SCYL2: variants seen among roughly 807,000 people sequenced by gnomAD.
The protein encoded by SCYL2 is SCY1 like pseudokinase 2.
SCYL2 carries 36 observed loss-of-function variants against 100.4 expected under a neutral mutation model. That is an observed-to-expected ratio of 0.36 (90% CI 0.27 to 0.47). SCYL2 has a LOEUF of 0.47. Among genes scored for constraint, SCYL2 ranks in the 20% least tolerant of loss-of-function variants. The pLI, the probability that SCYL2 is intolerant of heterozygous loss-of-function variation, is 1.00. For synonymous variants in SCYL2, 330 were observed against 359.2 expected (o/e 0.92, Z 0.92); for missense variants, 902 against 1,083.9 (o/e 0.83, Z 2.36).
At chr12:100,308,202 A>G (rs1454543252) in intron 4 of SCYL2, among the ~76,000 whole-genome samples, 1 of 152,198 alleles carries the variant, frequency 6.6e-6, no homozygotes, top group Admixed American at 6.5e-5. Flanking sequence ...TGTTTATTGC[A>G]GCACTATTCA....
intron 5 of SCYL2, among the ~76,000 whole-genome samples, chr12:100,312,041 C>T (rs1490603469): frequency 6.6e-6 from 1 of 152,276 alleles, no homozygotes; most frequent in East Asian, 1.9e-4. Context: ...TTTGTTTAAT[C>T]GTTACTACAA....
chr12:100,295,739 C>T (rs2096319309), intron 3 of SCYL2, among the ~76,000 whole-genome samples: 1 of 149,828 alleles, frequency 6.7e-6, no homozygotes, highest in Admixed American at 6.6e-5. Context: ...GAGAGGGAGA[C>T]CATGGGGAGA....
At position 100,339,785 on chromosome 12, in the gene SCYL2, GT is replaced by G. The variant is rs1478436671; in HGVS notation, c.*615del. Reference sequence around the variant, plus strand: ...ACCTTCATTTCATTGGTTTAAATGCGTTATTAACCATCTTAAGTGCAAACTA... The same window carrying G: ...ACCTTCATTTCATTGGTTTAAATGCGTATTAACCATCTTAAGTGCAAACTA... On this transcript the variant is annotated 3_prime_UTR_variant, in exon 18 of 18. Transcript: ENST00000360820. 1.3e-5 allele frequency: 2 copies of G among 152,650 alleles called. No homozygotes were observed. Among genetic ancestry groups the G allele is most frequent in the Admixed American group, 6.5e-5 (1 of 15,290 alleles). 9.5% of individuals were successfully genotyped at this position (152,650 alleles called of 1,614,324 possible).
chr12:100,272,574 G>A (rs915328932), intron 1 of SCYL2, among the ~76,000 whole-genome samples: 3 of 152,042 alleles, frequency 2.0e-5, no homozygotes, highest in African/African-American at 4.8e-5. Context: ...AAACCTATTA[G>A]ATATCTCCAT....
intron 4 of SCYL2, among the ~76,000 whole-genome samples, chr12:100,307,158 T>C (rs1307455556): frequency 1.3e-5 from 2 of 152,192 alleles, no homozygotes; most frequent in Non-Finnish European, 2.9e-5. Context: ...AAATTTCATA[T>C]GGAACCAAAA....
At chr12:100,268,945 C>T (rs1592920191) in intron 1 of SCYL2, among the ~76,000 whole-genome samples, 1 of 152,126 alleles carries the variant, frequency 6.6e-6, no homozygotes, top group South Asian at 2.1e-4. Context: ...GTCTGCTCTT[C>T]GTCTGTAACA....
chr12:100,277,541 A>AAT (rs2096293818), intron 1 of SCYL2, among the ~76,000 whole-genome samples: 1 of 152,120 alleles, frequency 6.6e-6, no homozygotes, highest in Admixed American at 6.5e-5. Context: ...TTCTGTTATT[A>AAT]ATATTGCCAC....
At chr12:100,316,419 G>A (rs1193063881) in intron 9 of SCYL2, among the ~76,000 whole-genome samples, 1 of 152,226 alleles carries the variant, frequency 6.6e-6, no homozygotes, top group Non-Finnish European at 1.5e-5. Flanking sequence ...TTTCTAAAAT[G>A]AAAAGGATTG....
At chr12:100,278,273 C>A (rs1220722770) in intron 1 of SCYL2, among the ~76,000 whole-genome samples, 5 of 151,984 alleles carry the variant, frequency 3.3e-5, no homozygotes, top group Admixed American at 2.0e-4. Flanking sequence ...AATCACAACT[C>A]ACTGCAGCCT....
rs12305559 is a variant in SCYL2, at chr12:100,290,529, A to G, written c.178-974A>G. Among the ~76,000 whole-genome samples the G allele has an allele frequency of 5.0e-3, 763 of 152,312 alleles. 12 individuals are homozygous for G. The highest frequency in any genetic ancestry group is 0.017 in the African/African-American group (724 of 41,580). The stretch of plus-strand genomic sequence containing the variant: ...AGTTGCCAGGCTAACTTATGAAAAT[A>G]ATAATGCTAATGTAGCAAAAATGCA... On this transcript the variant is annotated intron_variant, in intron 2 of 17. Transcript: ENST00000360820.
At chr12:100,317,062 CT>C (rs2096349684) in intron 9 of SCYL2, among the ~76,000 whole-genome samples, 1 of 151,384 alleles carries the variant, frequency 6.6e-6, no homozygotes, top group South Asian at 2.1e-4. Flanking sequence ...CGCCACTGCG[CT>C]CCAGCCTGGG....
At chr12:100,287,544 A>C (rs2096305754) in intron 2 of SCYL2, among the ~76,000 whole-genome samples, 1 of 152,228 alleles carries the variant, frequency 6.6e-6, no homozygotes, top group Non-Finnish European at 1.5e-5. Context: ...GTCTTTTAGA[A>C]TACTTCCGTA....
intron 10 of SCYL2, among the ~76,000 whole-genome samples, chr12:100,322,372 CAAAAAAAAAAA>C (rs34959294): frequency 1.6e-5 from 1 of 61,822 alleles, no homozygotes; most frequent in Non-Finnish European, 3.3e-5. Context: ...GACTCCGTCT[CAAAAAAAAAAA>C]AAAAAAAAAA....
In SCYL2 at chr12:100,305,716, G is replaced by GTT. The variant is rs144928837; in HGVS notation, c.481-5308_481-5307dup. Among the ~76,000 whole-genome samples, 120 of 126,808 alleles carry GTT rather than the reference G, an allele frequency of 9.5e-4. 3 individuals carry two copies. The highest frequency in any genetic ancestry group is 1.3e-3 in the Non-Finnish European group (82 of 60,788). 83.2% of individuals were successfully genotyped at this position (126,808 alleles called of 152,430 possible). ...AATAAATCAGTGAATCTAGGAGCTG[G>GTT]TTTTTTTTTTTTTTTTTTTTTAAAG... is the stretch of plus-strand genomic sequence containing the variant. On this transcript the variant is annotated intron_variant, in intron 4 of 17. Coordinates refer to ENST00000360820, the MANE Select transcript of SCYL2 (RefSeq NM_017988.6).
intron 3 of SCYL2, 33 bp downstream of exon 3, chr12:100,291,693 T>C: frequency 6.5e-7 from 1 of 1,530,122 alleles, no homozygotes; most frequent in East Asian, 2.4e-5. Flanking sequence ...ATAGTAGACT[T>C]CCTGAACAAA....
Position 100,331,772 on chromosome 12 carries a change from G to C in SCYL2, c.1762-2394G>C, listed in dbSNP as rs114925847. On this transcript the variant is annotated intron_variant, in intron 13 of 17. Transcript: ENST00000360820. ...TGCCTTCCCATTTGTTTCATGGTCAGTGTTTCTCATTTAAGACTGCCTTCT... is the reference window on the plus strand; with the variant it reads ...TGCCTTCCCATTTGTTTCATGGTCACTGTTTCTCATTTAAGACTGCCTTCT... Among the ~76,000 whole-genome samples the C allele has an allele frequency of 3.5e-3, 535 of 152,232 alleles. 5 individuals carry two copies. Among genetic ancestry groups the C allele is most frequent in the African/African-American group, 0.012 (505 of 41,540 alleles).
intron 12 of SCYL2, among the ~76,000 whole-genome samples, chr12:100,328,661 T>G (rs1348614209): frequency 6.6e-6 from 1 of 152,180 alleles, no homozygotes; most frequent in African/African-American, 2.4e-5. Flanking sequence ...TGGATAGATG[T>G]AACAAGTGGG....
chr12:100,272,090 A>G (rs753780776), intron 1 of SCYL2, among the ~76,000 whole-genome samples: 50 of 152,150 alleles, frequency 3.3e-4, no homozygotes, highest in Admixed American at 2.0e-3. Context: ...GCTAGATGGT[A>G]GAGAGATACA....
intron 1 of SCYL2, among the ~76,000 whole-genome samples, chr12:100,282,260 A>T (rs1179016356): frequency 7.9e-6 from 1 of 126,290 alleles, no homozygotes; most frequent in South Asian, 2.4e-4. Flanking sequence ...CCTGGTCTCA[A>T]GTGATCCTCC....
Sources: gnomAD v4.1 joint callset for allele counts (sites outside exome capture counted in the v4.1 genomes callset) on GRCh38, gnomAD v4.1.1 for gene constraint, MANE v1.5 for transcripts, NCBI Gene and HGNC (gene_info 2026-07-23, HGNC 2026-07-21) for gene names.